Variants in HMG20A observed in about 807,000 individuals in gnomAD.
The protein encoded by HMG20A is high mobility group 20A.
HMG20A carries 17 observed loss-of-function variants against 43.9 expected under a neutral mutation model. The observed-to-expected ratio is 0.39, with a 90% CI of 0.27 to 0.58. HMG20A has a LOEUF of 0.58. Ranked by LOEUF, HMG20A falls within the 20% of genes least tolerant of loss-of-function variation. HMG20A has a pLI of 0.59. For synonymous variants in HMG20A, 132 were observed against 147.5 expected (o/e 0.89, Z 0.76); for missense variants, 341 against 438.2 (o/e 0.78, Z 1.98).
chr15:77,498,188 TC>T, the HMG20A span, among the ~76,000 whole-genome samples: 3 of 152,114 alleles, frequency 2.0e-5, no homozygotes, highest in African/African-American at 7.2e-5. Context: ...TTTCTTACCT[TC>T]CAGAAAGACT....
chr15:77,437,279 T>A (rs2073559722), intron 1 of HMG20A, among the ~76,000 whole-genome samples: 1 of 152,356 alleles, frequency 6.6e-6, no homozygotes, highest in East Asian at 1.9e-4. Context: ...GACAATTTGT[T>A]CACCATTGTA....
At chr15:77,513,817 C>T in the HMG20A span, among the ~76,000 whole-genome samples, 191 of 152,088 alleles carry the variant, frequency 1.3e-3, no homozygotes, top group African/African-American at 4.5e-3. Context: ...CCTCCACCTC[C>T]CGGGTTCAAG....
intron 9 of HMG20A, 163 bp downstream of exon 9, chr15:77,479,484 T>C: frequency 1.5e-6 from 1 of 659,338 alleles, no homozygotes; most frequent in African/African-American, 1.8e-5. Flanking sequence ...GTAAATAATA[T>C]TAGAAAAGAG....
chr15:77,424,338 G>A (rs2073403137), intron 1 of HMG20A, among the ~76,000 whole-genome samples: 1 of 152,180 alleles, frequency 6.6e-6, no homozygotes, highest in South Asian at 2.1e-4. Flanking sequence ...AGAGTGAACA[G>A]TGGGGAAAAT....
chr15:77,464,843 G>A (rs900347040), intron 3 of HMG20A: 1 of 152,438 alleles, frequency 6.6e-6, no homozygotes, highest in African/African-American at 2.4e-5. Flanking sequence ...GGGCAGTCAT[G>A]CCCTTGTTGG....
chr15:77,462,623 C>A (rs2072714950), intron 2 of HMG20A, among the ~76,000 whole-genome samples: 1 of 144,056 alleles, frequency 6.9e-6, no homozygotes, highest in African/African-American at 2.5e-5. Context: ...ACACACACAC[C>A]CTGTTTTTAC....
chr15:77,421,188 A>G (rs2073323636), intron 1 of HMG20A, 184 bp downstream of exon 1: 1 of 299,696 alleles, frequency 3.3e-6, no homozygotes, highest in African/African-American at 2.3e-5. Flanking sequence ...GGACACCCTC[A>G]CTTCCTGTGG....
chr15:77,455,731 T>C (rs952485977), intron 1 of HMG20A, among the ~76,000 whole-genome samples: 8 of 152,316 alleles, frequency 5.3e-5, no homozygotes, highest in Non-Finnish European at 7.4e-5. Context: ...AATTTCAAAG[T>C]TCAGTGTGAC....
At chr15:77,462,548 A>G (rs1053757833) in intron 2 of HMG20A, among the ~76,000 whole-genome samples, 1 of 151,514 alleles carries the variant, frequency 6.6e-6, no homozygotes, top group African/African-American at 2.4e-5. Flanking sequence ...GTACATTTCT[A>G]CTTAATTATG....
chr15:77,465,304 A>AT (rs1320763857), intron 3 of HMG20A, among the ~76,000 whole-genome samples: 1,577 of 148,592 alleles, frequency 0.011, 40 homozygotes, highest in African/African-American at 0.037. Context: ...AAAACAACTA[A>AT]TTTTTTTTTA....
rs2073507813 is a variant in HMG20A at position 77,433,247 on chromosome 15, T to C, written c.-5+12243T>C. Among the ~76,000 whole-genome samples, 5 of 146,842 alleles carry C rather than the reference T, an allele frequency of 3.4e-5. No individual in the cohort carries two copies. In the South Asian group the frequency reaches 1.1e-3, roughly 31 times the overall value. On this transcript the variant is annotated intron_variant, in intron 1 of 9. Coordinates refer to ENST00000336216, the MANE Select transcript of HMG20A (RefSeq NM_001304504.2). The stretch of plus-strand genomic sequence containing the variant: ...CCTATAGTCCTAGCTACTCGGGAGG[T>C]AGGAGGATCGGTTTAGGCTAGGAGT...
At chr15:77,515,303 T>C in the HMG20A span, among the ~76,000 whole-genome samples, 2 of 152,172 alleles carry the variant, frequency 1.3e-5, no homozygotes, top group Non-Finnish European at 2.9e-5. Flanking sequence ...TGATTTAGGA[T>C]AAACGCCCAG....
chr15:77,451,721 A>G (rs1266967918), intron 1 of HMG20A, among the ~76,000 whole-genome samples: 1 of 152,208 alleles, frequency 6.6e-6, no homozygotes, highest in Non-Finnish European at 1.5e-5. Context: ...AAAAAGATAC[A>G]TAGTTTGAAG....
chr15:77,496,174 C>G, the HMG20A span, among the ~76,000 whole-genome samples: 1 of 152,148 alleles, frequency 6.6e-6, no homozygotes, highest in African/African-American at 2.4e-5. Flanking sequence ...CTGTCTTAAA[C>G]CCATGCAGCA....
intron 1 of HMG20A, among the ~76,000 whole-genome samples, chr15:77,457,556 A>C (rs1380437085): frequency 6.6e-6 from 1 of 152,214 alleles, no homozygotes; most frequent in Non-Finnish European, 1.5e-5. Context: ...AAAGGCAAAA[A>C]TCGTTTTTCA....
chr15:77,454,173 A>C lies in HMG20A; in HGVS notation c.-4-4231A>C, dbSNP rs186015229. Reference sequence around the variant, plus strand: ...CAGGACCCTGTCTCTTAAAAAAAAAAAAAAAAACAAAGTAGATTAGTGGTT... The same window carrying C: ...CAGGACCCTGTCTCTTAAAAAAAAACAAAAAAACAAAGTAGATTAGTGGTT... On this transcript the variant is annotated intron_variant, in intron 1 of 9. Coordinates refer to ENST00000336216, the MANE Select transcript of HMG20A (RefSeq NM_001304504.2). Among the ~76,000 whole-genome samples, 306 of 151,622 alleles carry C rather than the reference A, an allele frequency of 2.0e-3. 4 individuals carry two copies. Among genetic ancestry groups the C allele is most frequent in the Non-Finnish European group, 7.4e-5 (5 of 67,954 alleles).
At chr15:77,457,506 T>G (rs2072665968) in intron 1 of HMG20A, among the ~76,000 whole-genome samples, 1 of 152,254 alleles carries the variant, frequency 6.6e-6, no homozygotes, top group Non-Finnish European at 1.5e-5. Flanking sequence ...AGACTGCTGC[T>G]TTTAACTACA....
the HMG20A span, among the ~76,000 whole-genome samples, chr15:77,505,463 C>T: frequency 3.3e-5 from 5 of 151,004 alleles, no homozygotes; most frequent in African/African-American, 1.2e-4. Flanking sequence ...ATGCTGAGCC[C>T]GATGGCCTTG....
At position 77,471,763 on chromosome 15, in the gene HMG20A, T is replaced by C; in HGVS notation, c.584-20T>C. 1 of 1,550,430 alleles carries C rather than the reference T, an allele frequency of 6.4e-7. No individual in the cohort carries two copies. Among genetic ancestry groups the C allele is most frequent in the Non-Finnish European group, 8.9e-7 (1 of 1,127,948 alleles). On this transcript the variant is annotated intron_variant, in intron 5 of 9. Coordinates refer to ENST00000336216, the MANE Select transcript of HMG20A (RefSeq NM_001304504.2). ...CTTTCTTTTTAAATGTAATGTTCTC[T>C]TATTCTTTTATATTTTTAGATGCAG...
Sources: gnomAD v4.1 joint callset for allele counts (sites outside exome capture counted in the v4.1 genomes callset) on GRCh38, gnomAD v4.1.1 for gene constraint, MANE v1.5 for transcripts, NCBI Gene and HGNC (gene_info 2026-07-23, HGNC 2026-07-21) for gene names.